Variants in KCNIP1 observed in about 807,000 individuals in gnomAD.
KCNIP1 encodes the protein A-type potassium channel modulatory protein KCNIP1.
In KCNIP1, 18 loss-of-function variants were observed where a neutral mutation model predicts 33.0. The ratio of observed to expected loss-of-function variants is 0.55; its 90% CI spans 0.38 to 0.81. KCNIP1 has a LOEUF of 0.81. Ranked by LOEUF, KCNIP1 falls within the 30% of genes least tolerant of loss-of-function variation. The probability of loss-of-function intolerance (pLI) is 0.00; values close to 1 mark genes in which losing one functional copy is unlikely to be tolerated. For missense variants in KCNIP1, 238 were observed against 271.6 expected, an observed-to-expected ratio of 0.88 and a Z score of 0.87; for synonymous variants, 93 against 98.3, an observed-to-expected ratio of 0.95 and a Z score of 0.32.
intron 1 of KCNIP1, among the ~76,000 whole-genome samples, chr5:170,583,675 T>A (rs2113525257): frequency 6.6e-6 from 1 of 152,316 alleles, no homozygotes; most frequent in East Asian, 1.9e-4. Flanking sequence ...AAACTTAAAA[T>A]CTTTTCTCAG....
chr5:170,606,440 C>T (rs1758923199), intron 1 of KCNIP1, among the ~76,000 whole-genome samples: 1 of 152,106 alleles, frequency 6.6e-6, no homozygotes, highest in South Asian at 2.1e-4. Flanking sequence ...GGGTGTGAGG[C>T]TCTTTTTACT....
At chr5:170,716,758 G>A (rs772628876) in intron 1 of KCNIP1, among the ~76,000 whole-genome samples, 58 of 152,162 alleles carry the variant, frequency 3.8e-4, no homozygotes, top group African/African-American at 1.0e-3. Context: ...TTCTTGAGTC[G>A]GAAAGAGTCT....
intron 1 of KCNIP1, among the ~76,000 whole-genome samples, chr5:170,598,026 C>T (rs982982413): frequency 2.0e-5 from 3 of 152,094 alleles, no homozygotes; most frequent in Admixed American, 6.5e-5. Flanking sequence ...AACTCTGTGG[C>T]CCCCACTCCT....
At chr5:170,660,950 C>T (rs981888725) in intron 1 of KCNIP1, among the ~76,000 whole-genome samples, 1 of 152,192 alleles carries the variant, frequency 6.6e-6, no homozygotes, top group Non-Finnish European at 1.5e-5. Flanking sequence ...GCCAATGGGG[C>T]CTGCAGAGGA....
chr5:170,386,354 C>T (rs949692117), intron 1 of KCNIP1, among the ~76,000 whole-genome samples: 1 of 152,192 alleles, frequency 6.6e-6, no homozygotes, highest in Non-Finnish European at 1.5e-5. Flanking sequence ...GGAACAATGG[C>T]TCATCCCCCA....
At chr5:170,430,990 G>A (rs114587514) in intron 1 of KCNIP1, among the ~76,000 whole-genome samples, 2,032 of 152,328 alleles carry the variant, frequency 0.013, 20 homozygotes, top group Non-Finnish European at 0.021. Flanking sequence ...AGGAGGGGAA[G>A]ACAAAGAGTG....
chr5:170,430,675 A>G (rs977735968), intron 1 of KCNIP1, among the ~76,000 whole-genome samples: 5 of 152,080 alleles, frequency 3.3e-5, no homozygotes, highest in African/African-American at 1.2e-4. Context: ...TAAACCAAAG[A>G]CTCAGCCCCT....
intron 1 of KCNIP1, among the ~76,000 whole-genome samples, chr5:170,705,384 T>C (rs1461609351): frequency 1.3e-5 from 2 of 152,160 alleles, no homozygotes; most frequent in African/African-American, 4.8e-5. Context: ...CATGTTCCAG[T>C]GGAGGGTAAT....
At chr5:170,437,804 A>G (rs1455690526) in intron 1 of KCNIP1, among the ~76,000 whole-genome samples, 1 of 152,132 alleles carries the variant, frequency 6.6e-6, no homozygotes, top group East Asian at 1.9e-4. Context: ...AAGATCCCAA[A>G]CCATCCAGGT....
chr5:170,363,939 T>G (rs1307129449), intron 1 of KCNIP1, among the ~76,000 whole-genome samples: 2 of 152,094 alleles, frequency 1.3e-5, no homozygotes, highest in African/African-American at 2.4e-5. Flanking sequence ...TGTTCTAGGT[T>G]CCTCATATAA....
At chr5:170,359,364 A>C (rs1763439815) in intron 1 of KCNIP1, among the ~76,000 whole-genome samples, 1 of 152,302 alleles carries the variant, frequency 6.6e-6, no homozygotes, top group Middle Eastern at 3.4e-3. Flanking sequence ...AAGCCTTCAC[A>C]CTGGGGACTT....
At chr5:170,568,594 C>A (rs1757281634) in intron 1 of KCNIP1, among the ~76,000 whole-genome samples, 1 of 138,200 alleles carries the variant, frequency 7.2e-6, no homozygotes, top group Admixed American at 8.3e-5. Flanking sequence ...GGGTGGATCA[C>A]CTGAGGTCAG....
At chr5:170,472,898 G>A (rs1432865201) in intron 1 of KCNIP1, among the ~76,000 whole-genome samples, 1 of 152,196 alleles carries the variant, frequency 6.6e-6, no homozygotes, top group Non-Finnish European at 1.5e-5. Context: ...ACATGTGTGT[G>A]CAAGTATCTT....
At chr5:170,595,890 G>A (rs1031733060) in intron 1 of KCNIP1, among the ~76,000 whole-genome samples, 1 of 152,098 alleles carries the variant, frequency 6.6e-6, no homozygotes. Flanking sequence ...TGTTTGACAT[G>A]CAAGACGCTC....
At chr5:170,491,507 A>T (rs1757205689) in intron 1 of KCNIP1, among the ~76,000 whole-genome samples, 1 of 152,080 alleles carries the variant, frequency 6.6e-6, no homozygotes, top group South Asian at 2.1e-4. Context: ...TCACTTACCT[A>T]GCAAATCTGG....
At chr5:170,614,466 T>A (rs1187010363) in intron 1 of KCNIP1, among the ~76,000 whole-genome samples, 1 of 152,252 alleles carries the variant, frequency 6.6e-6, no homozygotes, top group Non-Finnish European at 1.5e-5. Flanking sequence ...CTTTTGAGAC[T>A]TTTTGTTCTT....
At chr5:170,516,609 T>C (rs1187403648) in intron 1 of KCNIP1, among the ~76,000 whole-genome samples, 3 of 152,208 alleles carry the variant, frequency 2.0e-5, no homozygotes, top group Admixed American at 1.3e-4. Context: ...ACATCAAAGA[T>C]TGTGGCTTGG....
At chr5:170,667,732 A>G (rs1474980161) in intron 1 of KCNIP1, among the ~76,000 whole-genome samples, 1 of 152,256 alleles carries the variant, frequency 6.6e-6, no homozygotes, top group Admixed American at 6.5e-5. Context: ...AACAATATTG[A>G]CTATCCCATA....
At chr5:170,517,395 G>A (rs1755164603) in intron 1 of KCNIP1, among the ~76,000 whole-genome samples, 1 of 152,134 alleles carries the variant, frequency 6.6e-6, no homozygotes, top group Non-Finnish European at 1.5e-5. Flanking sequence ...ATTTGGGTGA[G>A]GACATAGAGG....
Sources: allele counts gnomAD v4.1 joint callset (sites outside exome capture counted in the v4.1 genomes callset), GRCh38; gene constraint gnomAD v4.1.1; transcripts MANE v1.5; gene names NCBI Gene and HGNC (gene_info 2026-07-23, HGNC 2026-07-21).